Variants in ZHX3 observed in about 807,000 individuals in gnomAD.
The protein encoded by ZHX3 is zinc fingers and homeoboxes 3.
A neutral mutation model predicts 64.5 loss-of-function variants in ZHX3; 20 were observed. The ratio of observed to expected loss-of-function variants is 0.31; its 90% CI spans 0.22 to 0.45. ZHX3 has a LOEUF of 0.45. Ranked by LOEUF, ZHX3 falls within the 20% of genes least tolerant of loss-of-function variation. The probability of loss-of-function intolerance (pLI) is 1.00; values close to 1 mark genes in which losing one functional copy is unlikely to be tolerated. For missense variants in ZHX3, 1,041 were observed against 1,195.8 expected, an observed-to-expected ratio of 0.87 and a Z score of 1.91; for synonymous variants, 423 against 461.6, an observed-to-expected ratio of 0.92 and a Z score of 1.07.
At position 41,203,110 on chromosome 20, in the gene ZHX3, G is replaced by T; in HGVS notation, c.1807C>A (p.Gln603Lys). 6.2e-7 allele frequency: 1 copy of T among 1,614,116 alleles called. No homozygotes were observed. Among genetic ancestry groups the T allele is most frequent in the Non-Finnish European group, 8.5e-7 (1 of 1,180,018 alleles). The change falls in exon 3 of 4, where the codon CAA becomes AAA. Residue 603 changes from glutamine (Q) to lysine (K), a missense_variant. Physicochemically the swap from Gln to Lys is moderately conservative, Grantham distance 53. Transcript: ENST00000683867. This position sits in a 1 kb window ranked among gnomAD's most constrained non-coding sequence, Gnocchi z 7.1. ...TLATHPSAKR[Q>K]SWHQTPDFTP... ...AAGTCAGGAGTCTGGTGCCAAGATT[G>T]TCGTTTGGCAGAAGGGTGGGTTGCT...
At chr20:41,236,380 G>C (rs1048625229) in intron 2 of ZHX3, among the ~76,000 whole-genome samples, 5 of 152,140 alleles carry the variant, frequency 3.3e-5, no homozygotes, top group African/African-American at 1.2e-4. Flanking sequence ...ATACTACAAG[G>C]CTACAGTAAC....
At chr20:41,284,713 G>T (rs1214881580) in intron 1 of ZHX3, among the ~76,000 whole-genome samples, 1 of 152,016 alleles carries the variant, frequency 6.6e-6, no homozygotes, top group African/African-American at 2.4e-5. Context: ...TCTCATCCTG[G>T]AAAGTTTTCG....
intron 2 of ZHX3, among the ~76,000 whole-genome samples, chr20:41,250,605 A>G (rs777760805): frequency 2.6e-5 from 4 of 152,208 alleles, no homozygotes; most frequent in Non-Finnish European, 5.9e-5. Context: ...AGGAGAGAAT[A>G]AAAAGAAGGG....
intron 2 of ZHX3, among the ~76,000 whole-genome samples, chr20:41,240,650 C>T (rs566752222): frequency 2.6e-5 from 4 of 152,280 alleles, no homozygotes; most frequent in Admixed American, 2.0e-4. Flanking sequence ...ATTTCCCCCC[C>T]GTCACTCACC....
rs2038371503 is a variant in ZHX3 at position 41,202,972 on chromosome 20, TTTCAC to T, written c.1940_1944del (p.Ser647AsnfsTer9). The T allele has an allele frequency of 6.2e-7, 1 of 1,614,034 alleles. No homozygotes were observed. The highest frequency in any genetic ancestry group is 1.3e-5 in the African/African-American group (1 of 74,894). On this transcript the variant is annotated frameshift_variant, in exon 3 of 4. Transcript: ENST00000683867. LOFTEE classifies it high-confidence loss of function. The surrounding 1 kb of genome is among the most constrained non-coding windows in gnomAD (Gnocchi z 7.0). ...TCAATTTCTCGTCGGGTCATTTTGG[TTTCAC>T]TTCTCAGGCGGTCCAGTTCCTCATC...
chr20:41,208,811 T>C (rs2038932820), intron 2 of ZHX3, among the ~76,000 whole-genome samples: 1 of 152,232 alleles, frequency 6.6e-6, no homozygotes, highest in South Asian at 2.1e-4. Context: ...TCACCACTCC[T>C]ATTAACATAG....
At chr20:41,197,097 G>T in intron 3 of ZHX3, 1 of 217,916 alleles carries the variant, frequency 4.6e-6, no homozygotes, top group Non-Finnish European at 9.6e-6. Flanking sequence ...AGAAGAAGGC[G>T]TATGTTCAAC....
At chr20:41,225,614 A>C (rs2040217117) in intron 2 of ZHX3, among the ~76,000 whole-genome samples, 1 of 152,102 alleles carries the variant, frequency 6.6e-6, no homozygotes, top group Non-Finnish European at 1.5e-5. Flanking sequence ...CAGCCTCCTG[A>C]GTAGCTGGGA....
chr20:41,186,043 G>C (rs2036491590), intron 3 of ZHX3, among the ~76,000 whole-genome samples: 1 of 152,190 alleles, frequency 6.6e-6, no homozygotes, highest in Non-Finnish European at 1.5e-5. Context: ...AATTTTAAGT[G>C]TACAATTCAG....
At chr20:41,311,972 T>G in intron 1 of ZHX3, among the ~76,000 whole-genome samples, 1 of 152,246 alleles carries the variant, frequency 6.6e-6, no homozygotes, top group Non-Finnish European at 1.5e-5. Context: ...AGGCTGTCCC[T>G]GCCCTCCTAG....
At chr20:41,310,685 T>C (rs902254147) in intron 1 of ZHX3, among the ~76,000 whole-genome samples, 1 of 152,064 alleles carries the variant, frequency 6.6e-6, no homozygotes, top group East Asian at 1.9e-4. Context: ...AAGAGGTTTT[T>C]TTTTTTTTAA....
intron 2 of ZHX3, among the ~76,000 whole-genome samples, chr20:41,264,430 A>G (rs1214329301): frequency 6.7e-6 from 1 of 150,064 alleles, no homozygotes; most frequent in Admixed American, 6.6e-5. Context: ...ATGGTGGCAC[A>G]TGCCTGTAAT....
intron 2 of ZHX3, among the ~76,000 whole-genome samples, chr20:41,223,408 A>C (rs975452830): frequency 6.6e-6 from 1 of 152,224 alleles, no homozygotes; most frequent in Non-Finnish European, 1.5e-5. Context: ...GAAATAACCT[A>C]ATCACTCATC....
At position 41,283,598 on chromosome 20, in the gene ZHX3, A is replaced by T. The variant is rs185873201; in HGVS notation, c.-244-14515T>A. On this transcript the variant is annotated intron_variant, in intron 1 of 3. Transcript: ENST00000683867. ...ACAGTGAAACCCTGTCTCTACTAAA[A>T]ATACAAAAAATTAGCCAGGCATGGT... Among the ~76,000 whole-genome samples, 96 of 152,264 alleles carry T rather than the reference A, an allele frequency of 6.3e-4. 2 individuals are homozygous for T. The highest frequency in any genetic ancestry group is 1.8e-3 in the Admixed American group (27 of 15,300).
chr20:41,272,905 T>C (rs977877505), intron 1 of ZHX3, among the ~76,000 whole-genome samples: 36 of 152,174 alleles, frequency 2.4e-4, no homozygotes, highest in African/African-American at 8.7e-4. Flanking sequence ...GTGGAATTGC[T>C]GGGTCATATG....
intron 2 of ZHX3, chr20:41,267,495 C>G (rs1249680850): frequency 6.6e-6 from 1 of 152,200 alleles, no homozygotes; most frequent in African/African-American, 2.4e-5. Context: ...GGTTTAGATC[C>G]TGGGGATAAA....
intron 2 of ZHX3, among the ~76,000 whole-genome samples, chr20:41,206,020 T>C (rs76438042): frequency 1.3e-5 from 2 of 152,204 alleles, no homozygotes; most frequent in African/African-American, 4.8e-5. Flanking sequence ...CCATTGGTGA[T>C]ACCCAGGCAA....
At chr20:41,192,057 C>A (rs888417415) in intron 3 of ZHX3, among the ~76,000 whole-genome samples, 1 of 152,098 alleles carries the variant, frequency 6.6e-6, no homozygotes, top group Non-Finnish European at 1.5e-5. Context: ...GGGCAGCTGG[C>A]GTGGCATGGG....
At chr20:41,269,468 G>T (rs1029811857) in intron 1 of ZHX3, 2 of 152,110 alleles carry the variant, frequency 1.3e-5, no homozygotes, top group Admixed American at 6.6e-5. Flanking sequence ...TTCCATTCGG[G>T]TTTTCCTGGT....
Sources: gnomAD v4.1 joint callset for allele counts (sites outside exome capture counted in the v4.1 genomes callset) on GRCh38, gnomAD v4.1.1 for gene constraint, Gnocchi (gnomAD v3.1) non-coding constraint, MANE v1.5 for transcripts, NCBI Gene and HGNC (gene_info 2026-07-23, HGNC 2026-07-21) for gene names.